The following USP25 variants were observed in gnomAD, a reference collection of about 807,000 sequenced individuals.
USP25 encodes ubiquitin carboxyl-terminal hydrolase 25.
USP25 carries 85 observed loss-of-function variants against 158.5 expected under a neutral mutation model. The ratio of observed to expected loss-of-function variants is 0.54; its 90% CI spans 0.45 to 0.64. USP25 has a LOEUF of 0.64. Among genes scored for constraint, USP25 ranks in the 30% least tolerant of loss-of-function variants. The pLI, the probability that USP25 is intolerant of heterozygous loss-of-function variation, is 0.00. For synonymous variants in USP25, 464 were observed against 460.4 expected, an observed-to-expected ratio of 1.01 and a Z score of -0.10; for missense variants, 1,242 against 1,327.3, an observed-to-expected ratio of 0.94 and a Z score of 1.00.
intron 1 of USP25, among the ~76,000 whole-genome samples, chr21:15,737,560 C>G (rs1464107485): frequency 6.6e-6 from 1 of 151,948 alleles, no homozygotes; most frequent in African/African-American, 2.4e-5. Flanking sequence ...TTTATTGCAT[C>G]TATATCAATG....
At chr21:15,757,961 G>A (rs894073482) in intron 1 of USP25, among the ~76,000 whole-genome samples, 1 of 152,146 alleles carries the variant, frequency 6.6e-6, no homozygotes, top group Non-Finnish European at 1.5e-5. Flanking sequence ...TTCTGCTTTA[G>A]CGTAATGTGA....
intron 18 of USP25, 79 bp from the exon 19 acceptor site, chr21:15,847,584 G>C (rs1363609025): frequency 2.1e-6 from 2 of 973,926 alleles, no homozygotes; most frequent in Non-Finnish European, 3.2e-6. Context: ...GGATGTGCAG[G>C]TTATACAGTT....
intron 5 of USP25, among the ~76,000 whole-genome samples, chr21:15,797,845 G>A: frequency 6.6e-6 from 1 of 151,244 alleles, no homozygotes; most frequent in Non-Finnish European, 1.5e-5. Flanking sequence ...AGGAGAGGGA[G>A]AGAGGGAGAA....
intron 2 of USP25, among the ~76,000 whole-genome samples, chr21:15,765,532 C>T (rs750249072): frequency 4.6e-5 from 7 of 151,932 alleles, no homozygotes; most frequent in Non-Finnish European, 8.8e-5. Flanking sequence ...CATTTTCTTC[C>T]CATGAGTCCT....
intron 1 of USP25, among the ~76,000 whole-genome samples, chr21:15,752,940 A>G (rs1462058597): frequency 6.6e-6 from 1 of 152,228 alleles, no homozygotes; most frequent in African/African-American, 2.4e-5. Flanking sequence ...TTACCCGCCA[A>G]AAACTTGAAA....
intron 20 of USP25, among the ~76,000 whole-genome samples, chr21:15,856,760 C>A (rs959277889): frequency 6.6e-6 from 1 of 152,092 alleles, no homozygotes; most frequent in Admixed American, 6.5e-5. Context: ...CGTGAGCCAC[C>A]GCACCCGGCC....
In USP25 at chr21:15,833,541, G is replaced by T. The variant is rs1601070438; in HGVS notation, c.2187G>T (p.Val729=). The T allele has an allele frequency of 6.2e-7, 1 of 1,612,986 alleles. No homozygotes were observed. The highest frequency in any genetic ancestry group is 1.7e-5 in the Admixed American group (1 of 59,898). The change falls in exon 17 of 26, where the codon GTG becomes GTT. Residue 729 remains valine (V), a synonymous_variant. Coordinates refer to ENST00000400183, the MANE Select transcript of USP25 (RefSeq NM_001283041.3). ...SQKLRESETS[V]TTAQAAGDPE... is the part of the protein sequence containing the mutation. ...AATTGAGAGAGTCAGAGACTTCTGT[G>T]ACAACAGGTTTGTCCATTTTTATTA...
At chr21:15,773,563 CA>C (rs1205408375) in intron 3 of USP25, among the ~76,000 whole-genome samples, 4 of 151,468 alleles carry the variant, frequency 2.6e-5, no homozygotes, top group Non-Finnish European at 5.9e-5. Context: ...CCAGTTATTT[CA>C]AAAAATTTTG....
At chr21:15,815,464 C>T (rs945197748) in intron 9 of USP25, among the ~76,000 whole-genome samples, 4 of 152,166 alleles carry the variant, frequency 2.6e-5, no homozygotes, top group Non-Finnish European at 5.9e-5. Context: ...ACACTCAACA[C>T]CAACCCGTGA....
chr21:15,762,179 A>G (rs949215877), intron 1 of USP25, among the ~76,000 whole-genome samples: 2 of 129,148 alleles, frequency 1.5e-5, no homozygotes, highest in Non-Finnish European at 1.6e-5. Flanking sequence ...TGCTTTTCCT[A>G]TCATATCCAT....
chr21:15,859,048 G>A (rs938824072), intron 20 of USP25, among the ~76,000 whole-genome samples: 1 of 151,104 alleles, frequency 6.6e-6, no homozygotes, highest in Non-Finnish European at 1.5e-5. Context: ...GTGGGTGTGG[G>A]TGTTGGCATC....
intron 17 of USP25, among the ~76,000 whole-genome samples, chr21:15,838,896 C>T (rs1025636746): frequency 6.6e-6 from 1 of 152,066 alleles, no homozygotes; most frequent in African/African-American, 2.4e-5. Context: ...ACCCCCAAAC[C>T]TCCTCAATAG....
chr21:15,797,734 C>T (rs2035930056), intron 5 of USP25, among the ~76,000 whole-genome samples: 1 of 151,154 alleles, frequency 6.6e-6, no homozygotes, highest in African/African-American at 2.4e-5. Flanking sequence ...GTTTGTCTCC[C>T]CTACTTAACA....
At chr21:15,769,841 G>T (rs1374549852) in intron 3 of USP25, among the ~76,000 whole-genome samples, 1 of 152,120 alleles carries the variant, frequency 6.6e-6, no homozygotes, top group African/African-American at 2.4e-5. Flanking sequence ...CAAAAGATAA[G>T]AGGGATTTGG....
In USP25 at chr21:15,766,807, A is replaced by C. The variant is rs1158759566; in HGVS notation, c.268+666A>C. ...CATTATAGTTTAATAATTGTACTACATAAAAATAGTTACTTTTATGCCTTA... is the reference window on the plus strand; with the variant it reads ...CATTATAGTTTAATAATTGTACTACCTAAAAATAGTTACTTTTATGCCTTA... On this transcript the variant is annotated intron_variant, in intron 3 of 25. Transcript: ENST00000400183. This position sits in a 1 kb window ranked among gnomAD's most constrained non-coding sequence, Gnocchi z 4.0. 2.6e-5 allele frequency among the ~76,000 whole-genome samples: 4 copies of C among 152,108 alleles called. No individual in the cohort carries two copies. In the South Asian group the frequency reaches 6.2e-4, roughly 24 times the overall value.
intron 5 of USP25, among the ~76,000 whole-genome samples, chr21:15,796,525 G>A (rs1030091468): frequency 2.6e-5 from 4 of 151,414 alleles, no homozygotes; most frequent in African/African-American, 7.3e-5. Context: ...GAAAATTTTT[G>A]CACAAAGTTT....
At chr21:15,839,421 A>G (rs2038220013) in intron 17 of USP25, among the ~76,000 whole-genome samples, 2 of 152,210 alleles carry the variant, frequency 1.3e-5, no homozygotes, top group Non-Finnish European at 2.9e-5. Context: ...AGAAATTACT[A>G]AAGTGTATGG....
intron 5 of USP25, among the ~76,000 whole-genome samples, chr21:15,793,421 C>G (rs932474241): frequency 1.4e-5 from 2 of 138,296 alleles, no homozygotes; most frequent in Non-Finnish European, 3.0e-5. Flanking sequence ...GTTTGCTAAT[C>G]TTAGCTTTTC....
chr21:15,833,706 T>G (rs781112203), intron 17 of USP25, among the ~76,000 whole-genome samples, 158 bp downstream of exon 17: 1 of 152,208 alleles, frequency 6.6e-6, no homozygotes, highest in Non-Finnish European at 1.5e-5. Context: ...AACAATTTAG[T>G]TTACCTTTTT....
Sources: gnomAD v4.1 joint callset for allele counts (sites outside exome capture counted in the v4.1 genomes callset) on GRCh38, gnomAD v4.1.1 for gene constraint, Gnocchi (gnomAD v3.1) non-coding constraint, MANE v1.5 for transcripts, NCBI Gene and HGNC (gene_info 2026-07-23, HGNC 2026-07-21) for gene names.